TCERG1L: variants seen among roughly 807,000 people sequenced by gnomAD.
The protein encoded by TCERG1L is transcription elongation regulator 1 like.
A neutral mutation model predicts 56.3 loss-of-function variants in TCERG1L; 37 were observed. That is an observed-to-expected ratio of 0.66 (90% CI 0.51 to 0.87). TCERG1L has a LOEUF of 0.87. Among genes scored for constraint, TCERG1L ranks in the 40% least tolerant of loss-of-function variants. The probability of loss-of-function intolerance (pLI) is 0.00; values close to 1 mark genes in which losing one functional copy is unlikely to be tolerated. For missense variants in TCERG1L, 799 were observed against 774.2 expected, an observed-to-expected ratio of 1.03 and a Z score of -0.38; for synonymous variants, 324 against 326.3, an observed-to-expected ratio of 0.99 and a Z score of 0.08.
intron 4 of TCERG1L, among the ~76,000 whole-genome samples, chr10:131,186,229 T>C (rs555696582): frequency 3.3e-5 from 5 of 152,278 alleles, no homozygotes; most frequent in African/African-American, 1.2e-4. Context: ...AGAAACTGAT[T>C]AACCAGTAAG....
intron 3 of TCERG1L, among the ~76,000 whole-genome samples, chr10:131,262,651 T>C (rs1354711146): frequency 6.6e-6 from 1 of 152,150 alleles, no homozygotes; most frequent in Non-Finnish European, 1.5e-5. Flanking sequence ...AATGGCACCT[T>C]ATTAACTATG....
chr10:131,291,873 T>C lies in TCERG1L; in HGVS notation c.670+16338A>G, dbSNP rs186586430. 5.5e-4 allele frequency among the ~76,000 whole-genome samples: 84 copies of C among 152,328 alleles called. 2 individuals carry two copies. In the East Asian group the frequency reaches 0.012, roughly 21 times the overall value. The stretch of plus-strand genomic sequence containing the variant: ...GTTATGATCCATCTACCTGTGTTGA[T>C]AGTTGTTCATAGGTATTTTGTGCAG... On this transcript the variant is annotated intron_variant, in intron 3 of 11. Transcript: ENST00000368642.
chr10:131,177,161 GAC>G (rs1310430640), intron 4 of TCERG1L, among the ~76,000 whole-genome samples: 2 of 9,558 alleles, frequency 2.1e-4, no homozygotes, highest in African/African-American at 7.1e-4. Flanking sequence ...TACACACAGA[GAC>G]ACATGGACAC....
rs1845418998 is a variant in TCERG1L at position 131,112,220 on chromosome 10, T to C, written c.1395+4579A>G. Among the ~76,000 whole-genome samples, 2 of 142,674 alleles carry C rather than the reference T, an allele frequency of 1.4e-5. 1 individual carries two copies. Among genetic ancestry groups the C allele is most frequent in the African/African-American group, 4.9e-5 (2 of 40,504 alleles). 93.6% of individuals were successfully genotyped at this position (142,674 alleles called of 152,430 possible). ...CTTCCAGGGCCGGGGGCTGAAGACT[T>C]GGGCCACGCCCCTGTCCCCGAGCTC... On this transcript the variant is annotated intron_variant, in intron 9 of 11. Coordinates refer to ENST00000368642, the MANE Select transcript of TCERG1L (RefSeq NM_174937.4).
intron 3 of TCERG1L, among the ~76,000 whole-genome samples, chr10:131,301,664 A>G (rs1846762784): frequency 6.6e-6 from 1 of 152,140 alleles, no homozygotes; most frequent in South Asian, 2.1e-4. Flanking sequence ...TTTTAAAAAA[A>G]AAATCATGCT....
chr10:131,159,114 C>T (rs748393385), intron 6 of TCERG1L, among the ~76,000 whole-genome samples: 7 of 152,236 alleles, frequency 4.6e-5, no homozygotes, highest in Admixed American at 2.6e-4. Flanking sequence ...TTCTCACTCA[C>T]GGTTGGGGGC....
At chr10:131,167,968 A>G (rs1846049816) in intron 4 of TCERG1L, among the ~76,000 whole-genome samples, 2 of 152,290 alleles carry the variant, frequency 1.3e-5, no homozygotes, top group African/African-American at 4.8e-5. Flanking sequence ...AAAACAATAG[A>G]TAAGTTCTCA....
chr10:131,133,567 C>T (rs1025972249), intron 8 of TCERG1L, among the ~76,000 whole-genome samples: 3 of 152,136 alleles, frequency 2.0e-5, no homozygotes, highest in African/African-American at 7.2e-5. Context: ...ATTGATTTGC[C>T]TTTCAGGGTC....
chr10:131,177,244 TAC>T (rs1263257001), intron 4 of TCERG1L, among the ~76,000 whole-genome samples: 5 of 140,276 alleles, frequency 3.6e-5, no homozygotes, highest in East Asian at 4.2e-4. Context: ...ACATGTACAC[TAC>T]ACACACACAG....
At chr10:131,213,794 A>G (rs1472981990) in intron 4 of TCERG1L, among the ~76,000 whole-genome samples, 1 of 152,144 alleles carries the variant, frequency 6.6e-6, no homozygotes, top group Admixed American at 6.5e-5. Flanking sequence ...CCTCAACCTG[A>G]GCTTAGGGCC....
intron 3 of TCERG1L, among the ~76,000 whole-genome samples, chr10:131,289,274 T>C (rs1846581012): frequency 6.6e-6 from 1 of 152,126 alleles, no homozygotes; most frequent in African/African-American, 2.4e-5. Flanking sequence ...GGTGATACTC[T>C]CCTTTTCAAC....
chr10:131,287,168 T>C (rs1846554760), intron 3 of TCERG1L, among the ~76,000 whole-genome samples: 1 of 152,208 alleles, frequency 6.6e-6, no homozygotes, highest in Non-Finnish European at 1.5e-5. Context: ...TACTTTAGAA[T>C]AGGTATCAGA....
intron 4 of TCERG1L, among the ~76,000 whole-genome samples, chr10:131,220,773 T>C (rs1011377858): frequency 5.9e-5 from 9 of 152,148 alleles, no homozygotes; most frequent in Admixed American, 5.9e-4. Context: ...GCCCAAACCC[T>C]TGGCAGTGGT....
chr10:131,311,369 CG>C lies in TCERG1L; in HGVS notation c.266del (p.Pro89ArgfsTer36). Reference protein sequence around the residue: ...GWPAPSEPVLPLLPLPSAPDS... With the variant: ...GWPAPSEPVLXLLPLPSAPDS... Reference sequence around the variant, plus strand: ...CTGGCGCAGAGGGCAGCGGCAGCAGCGGGAGCACCGGCTCGCTCGGGGCCGG... The same window carrying C: ...CTGGCGCAGAGGGCAGCGGCAGCAGCGGAGCACCGGCTCGCTCGGGGCCGG... On this transcript the variant is annotated frameshift_variant, in exon 1 of 12. Coordinates refer to ENST00000368642, the MANE Select transcript of TCERG1L (RefSeq NM_174937.4). LOFTEE classifies it high-confidence loss of function. The surrounding 1 kb of genome is among the most constrained non-coding windows in gnomAD (Gnocchi z 4.0). 2 of 1,196,558 alleles carry C rather than the reference CG, an allele frequency of 1.7e-6. No individual in the cohort carries two copies. The highest frequency in any genetic ancestry group is 2.1e-6 in the Non-Finnish European group (2 of 966,790). 74.1% of individuals were successfully genotyped at this position (1,196,558 alleles called of 1,614,324 possible). A position where few individuals can be genotyped will look rare whatever the true frequency, so the allele number is the denominator to read the frequency against.
At chr10:131,210,748 C>A (rs1448027309) in intron 4 of TCERG1L, among the ~76,000 whole-genome samples, 1 of 152,138 alleles carries the variant, frequency 6.6e-6, no homozygotes, top group Non-Finnish European at 1.5e-5. Context: ...TTGCTAACCA[C>A]CCCATCAGGC....
chr10:131,104,726 T>C (rs1303900393), intron 9 of TCERG1L, among the ~76,000 whole-genome samples: 1 of 152,200 alleles, frequency 6.6e-6, no homozygotes, highest in Non-Finnish European at 1.5e-5. Flanking sequence ...CAAAGAGTAA[T>C]GTCTTGAAAA....
At chr10:131,207,253 G>A (rs1845544753) in intron 4 of TCERG1L, among the ~76,000 whole-genome samples, 1 of 147,954 alleles carries the variant, frequency 6.8e-6, no homozygotes, top group African/African-American at 2.5e-5. Context: ...GGGAGGTTCT[G>A]TCCTGGGAGA....
chr10:131,257,808 C>T (rs1049285144), intron 4 of TCERG1L, among the ~76,000 whole-genome samples: 1 of 152,138 alleles, frequency 6.6e-6, no homozygotes, highest in African/African-American at 2.4e-5. Context: ...CAGTTGGGGA[C>T]CATTAAGCTA....
chr10:131,204,152 C>CT (rs1403247371), intron 4 of TCERG1L, among the ~76,000 whole-genome samples: 4 of 152,250 alleles, frequency 2.6e-5, no homozygotes, highest in African/African-American at 7.2e-5. Flanking sequence ...TCTTGGAAGC[C>CT]TGGTGGCTTA....
Sources: gnomAD v4.1 joint callset for allele counts (sites outside exome capture counted in the v4.1 genomes callset) on GRCh38, gnomAD v4.1.1 for gene constraint, Gnocchi (gnomAD v3.1) non-coding constraint, MANE v1.5 for transcripts, NCBI Gene and HGNC (gene_info 2026-07-23, HGNC 2026-07-21) for gene names.